SOX6: variants seen among roughly 807,000 people sequenced by gnomAD.
SOX6 encodes the protein transcription factor SOX-6.
A neutral mutation model predicts 97.8 loss-of-function variants in SOX6; 11 were observed. That is an observed-to-expected ratio of 0.11 (90% CI 0.07 to 0.19). SOX6 has a LOEUF of 0.19. Among genes scored for constraint, SOX6 ranks in the 10% least tolerant of loss-of-function variants. The pLI, the probability that SOX6 is intolerant of heterozygous loss-of-function variation, is 1.00. For synonymous variants in SOX6, 360 were observed against 371.4 expected (o/e 0.97, Z 0.35); for missense variants, 810 against 1,039.5 (o/e 0.78, Z 3.04).
Position 16,185,777 on chromosome 11 carries a change from A to AT in SOX6, c.708+1005dup, listed in dbSNP as rs556389988. On this transcript the variant is annotated intron_variant, in intron 5 of 15. Coordinates refer to ENST00000683767, the MANE Select transcript of SOX6 (RefSeq NM_001367873.1). ...TGGCTAAATGACATTCTAACTTCTG[A>AT]TTTTTTACAGTGTTCCTTTATGTTA... Among the ~76,000 whole-genome samples the AT allele has an allele frequency of 1.4e-3, 218 of 152,130 alleles. 2 individuals are homozygous for AT. The highest frequency in any genetic ancestry group is 2.1e-3 in the Non-Finnish European group (144 of 67,982).
intron 1 of SOX6, among the ~76,000 whole-genome samples, chr11:16,453,197 T>A (rs1859753461): frequency 6.6e-6 from 1 of 152,158 alleles, no homozygotes; most frequent in South Asian, 2.1e-4. Flanking sequence ...ATTTTTGCCT[T>A]TTTCTAAAAT....
At chr11:15,986,576 A>G (rs1023369514) in intron 14 of SOX6, among the ~76,000 whole-genome samples, 156 bp from the exon 15 acceptor site, 2 of 152,198 alleles carry the variant, frequency 1.3e-5, no homozygotes, top group Non-Finnish European at 2.9e-5. Flanking sequence ...CTTTTAGTCT[A>G]TAACACAAAG....
At chr11:16,524,903 A>G (rs1590233264) in intron 4 of SOX6, among the ~76,000 whole-genome samples, 1 of 152,216 alleles carries the variant, frequency 6.6e-6, no homozygotes, top group Non-Finnish European at 1.5e-5. Flanking sequence ...AGAATAAAAT[A>G]TCTAGGAATC....
At chr11:16,507,491 G>A (rs1334507981) in intron 4 of SOX6, among the ~76,000 whole-genome samples, 3 of 152,080 alleles carry the variant, frequency 2.0e-5, no homozygotes, top group Non-Finnish European at 4.4e-5. Context: ...AAAGCTCAAG[G>A]CATAATGCTA....
At position 16,591,362 on chromosome 11, in the gene SOX6, G is replaced by GATAGATAGATAGATAGATAA. The variant is rs1554976554; in HGVS notation, n.609+20718_609+20719insTTATCTATCTATCTATCTAT. 1.3e-4 allele frequency among the ~76,000 whole-genome samples: 20 copies of GATAGATAGATAGATAGATAA among 149,896 alleles called. 1 individual carries two copies. The highest frequency in any genetic ancestry group is 6.0e-4 in the East Asian group (3 of 5,032). On this transcript the variant is annotated intron_variant and non_coding_transcript_variant, in intron 4 of 5. Coordinates refer to the SOX6 transcript ENST00000524520. ...AGATAGATAGATAGACAGATAGATA[G>GATAGATAGATAGATAGATAA]ATAGATAGATAGATTTCAGAAAGAT... is the stretch of plus-strand genomic sequence containing the variant.
At chr11:16,282,014 C>A (rs1854579277) in intron 3 of SOX6, among the ~76,000 whole-genome samples, 1 of 148,900 alleles carries the variant, frequency 6.7e-6, no homozygotes, top group African/African-American at 2.5e-5. Context: ...TATACACACA[C>A]ACCCTTTTAC....
intron 13 of SOX6, among the ~76,000 whole-genome samples, chr11:16,014,722 G>A (rs1258625073): frequency 6.6e-6 from 1 of 152,010 alleles, no homozygotes; most frequent in Non-Finnish European, 1.5e-5. Context: ...GGATTGCTAA[G>A]TATTCGGTAA....
intron 3 of SOX6, among the ~76,000 whole-genome samples, chr11:16,652,979 A>C (rs1440179849): frequency 6.6e-6 from 1 of 152,194 alleles, no homozygotes; most frequent in African/African-American, 2.4e-5. Context: ...TTCTCAAAAG[A>C]AGATACACAA....
chr11:16,462,875 C>G (rs946520363), intron 1 of SOX6, among the ~76,000 whole-genome samples: 9 of 152,182 alleles, frequency 5.9e-5, no homozygotes, highest in African/African-American at 2.2e-4. Flanking sequence ...GAGAGAAGTG[C>G]ACTCTCTTTG....
At chr11:16,283,089 G>GTATATAAA (rs1554952964) in intron 3 of SOX6, among the ~76,000 whole-genome samples, 2 of 113,710 alleles carry the variant, frequency 1.8e-5, no homozygotes, top group African/African-American at 7.0e-5. Flanking sequence ...TATATAATTT[G>GTATATAAA]TATATATATA....
chr11:16,503,802 T>C lies in SOX6; in HGVS notation n.610-27414A>G, dbSNP rs139209387. ...GCTCACCCCTGTAATCCCAGCACTT[T>C]GGGAGGCCAAGGTGGGCAGATCACG... On this transcript the variant is annotated intron_variant and non_coding_transcript_variant, in intron 4 of 5. Transcript: ENST00000524520. Among the ~76,000 whole-genome samples the C allele has an allele frequency of 7.6e-3, 1,163 of 152,252 alleles. 15 individuals carry two copies. Among genetic ancestry groups the C allele is most frequent in the African/African-American group, 0.025 (1,047 of 41,534 alleles).
At chr11:16,417,327 C>T (rs1429486940) in intron 1 of SOX6, among the ~76,000 whole-genome samples, 2 of 152,146 alleles carry the variant, frequency 1.3e-5, no homozygotes, top group African/African-American at 4.8e-5. Context: ...AAGGCTCAGA[C>T]ACAGGGCCAG....
At chr11:16,370,934 T>C (rs928433404) in intron 1 of SOX6, among the ~76,000 whole-genome samples, 3 of 152,026 alleles carry the variant, frequency 2.0e-5, no homozygotes, top group African/African-American at 7.2e-5. Flanking sequence ...TCACCCTGTT[T>C]CTACTCTTCT....
chr11:16,071,534 T>C (rs984254358), intron 9 of SOX6, among the ~76,000 whole-genome samples: 2 of 151,876 alleles, frequency 1.3e-5, no homozygotes, highest in Non-Finnish European at 2.9e-5. Context: ...CAGCCTCCTG[T>C]TGCCTTGAAA....
At chr11:16,587,279 G>A (rs941693208) in intron 4 of SOX6, among the ~76,000 whole-genome samples, 3 of 152,068 alleles carry the variant, frequency 2.0e-5, no homozygotes, top group Non-Finnish European at 4.4e-5. Context: ...TGTAAACCTG[G>A]GCATGTCATT....
At chr11:16,282,272 TAAAG>T (rs1332125312) in intron 3 of SOX6, among the ~76,000 whole-genome samples, 1 of 151,190 alleles carries the variant, frequency 6.6e-6, no homozygotes. Flanking sequence ...AAAATAATAA[TAAAG>T]AATATGTATT....
chr11:16,124,317 A>G (rs550542911), intron 6 of SOX6, among the ~76,000 whole-genome samples: 2 of 152,218 alleles, frequency 1.3e-5, no homozygotes, highest in South Asian at 2.1e-4. Flanking sequence ...ACATATATAT[A>G]TGTACATTTG....
intron 4 of SOX6, among the ~76,000 whole-genome samples, chr11:16,232,595 G>A (rs949261179): frequency 2.0e-5 from 3 of 152,014 alleles, no homozygotes; most frequent in East Asian, 1.9e-4. Context: ...AAAGAAAGAC[G>A]GAAAGGGGGG....
At chr11:16,473,185 T>C (rs1860172876) in intron 1 of SOX6, among the ~76,000 whole-genome samples, 1 of 152,182 alleles carries the variant, frequency 6.6e-6, no homozygotes, top group Non-Finnish European at 1.5e-5. Context: ...GTTTTGCAGA[T>C]GGGGAAGAGT....
Sources: allele counts gnomAD v4.1 joint callset (sites outside exome capture counted in the v4.1 genomes callset), GRCh38; gene constraint gnomAD v4.1.1; transcripts MANE v1.5; gene names NCBI Gene and HGNC (gene_info 2026-07-23, HGNC 2026-07-21).